ZNF638: variants seen among roughly 807,000 people sequenced by gnomAD.
The protein encoded by ZNF638 is zinc finger protein 638.
ZNF638 carries 46 observed loss-of-function variants against 195.6 expected under a neutral mutation model. The observed-to-expected ratio is 0.24, with a 90% confidence interval of 0.19 to 0.30. The LOEUF is 0.30. Ranked by LOEUF, ZNF638 falls within the 10% of genes least tolerant of loss-of-function variation. The pLI, the probability that ZNF638 is intolerant of heterozygous loss-of-function variation, is 1.00. For missense variants in ZNF638, 2,440 were observed against 2,325.3 expected (o/e 1.05, Z -1.01); for synonymous variants, 845 against 772.0 (o/e 1.09, Z -1.57).
rs189111308 is a variant in ZNF638, at chr2:71,376,913, G to A, written c.2266-3309G>A. Among the ~76,000 whole-genome samples the A allele has an allele frequency of 2.0e-5, 3 of 152,184 alleles. No homozygotes were observed. The East Asian group carries it at 5.8e-4, about 29-fold the overall frequency. On this transcript the variant is annotated intron_variant, in intron 8 of 27. Transcript: ENST00000264447. ...CTTGCCCCACCGTTACCAGTAATCC[G>A]ATGAAAGCAAACATTCTTTTTTTCC...
chr2:71,425,968 A>G (rs1392126276), intron 23 of ZNF638, among the ~76,000 whole-genome samples: 1 of 152,174 alleles, frequency 6.6e-6, no homozygotes, highest in Non-Finnish European at 1.5e-5. Flanking sequence ...ATTTCTTAAA[A>G]TATGTATTCT....
At chr2:71,418,443 A>G (rs757208169) in intron 20 of ZNF638, 159 bp from the exon 21 acceptor site, 8 of 419,708 alleles carry the variant, frequency 1.9e-5, no homozygotes, top group Non-Finnish European at 2.5e-5. Flanking sequence ...AAAAAATTCT[A>G]GAACCTGATA....
Position 71,363,026 on chromosome 2 carries a change from A to G in ZNF638, c.1380-127A>G, listed in dbSNP as rs1023289916. The G allele has an allele frequency of 6.7e-6, 5 of 746,648 alleles. No homozygotes were observed. In the African/African-American group the frequency reaches 9.0e-5, roughly 13 times the overall value. The allele number at this position is 746,648 out of a possible 1,614,324, so 46.3% of individuals were successfully genotyped here. On this transcript the variant is annotated intron_variant, in intron 3 of 27. Transcript: ENST00000264447. ...AATACTTTGATTATTTATTGAATTA[A>G]ACTCTCAAAATATTTTATTTCCAAT...
At chr2:71,389,141 G>C (rs1039563793) in intron 10 of ZNF638, among the ~76,000 whole-genome samples, 2 of 152,096 alleles carry the variant, frequency 1.3e-5, no homozygotes, top group Non-Finnish European at 2.9e-5. Context: ...CCTCAGCCCT[G>C]CCATTACTGG....
chr2:71,365,248 C>T (rs2079176188), intron 5 of ZNF638, among the ~76,000 whole-genome samples, 181 bp from the exon 6 acceptor site: 1 of 152,052 alleles, frequency 6.6e-6, no homozygotes, highest in South Asian at 2.1e-4. Flanking sequence ...GTTTGAGGAT[C>T]ACTGGTATAA....
At chr2:71,351,608 A>T (rs1447470686) in intron 2 of ZNF638, among the ~76,000 whole-genome samples, 2 of 152,224 alleles carry the variant, frequency 1.3e-5, no homozygotes, top group Admixed American at 1.3e-4. Flanking sequence ...AAGAAAATAC[A>T]TCTTTAAATA....
At chr2:71,350,405 C>T in intron 2 of ZNF638, 134 bp downstream of exon 2, 2 of 903,862 alleles carry the variant, frequency 2.2e-6, no homozygotes, top group Non-Finnish European at 3.4e-6. Flanking sequence ...AACCTCAATA[C>T]ATAGTTGTAA....
At chr2:71,378,885 C>A (rs2079484500) in intron 8 of ZNF638, among the ~76,000 whole-genome samples, 1 of 152,070 alleles carries the variant, frequency 6.6e-6, no homozygotes, top group East Asian at 1.9e-4. Flanking sequence ...AGAAAGGATG[C>A]TTGGGGATGG....
rs867183650 is a variant in ZNF638, at chr2:71,349,007, G to A, written c.53G>A (p.Arg18Gln). Residue 18 changes from arginine (R) to glutamine (Q), a missense_variant, in exon 2 of 28, where the codon CGA (arginine) becomes CAA (glutamine). By Grantham distance (43) the Arg-to-Gln change is conservative. Coordinates refer to ENST00000264447, the MANE Select transcript of ZNF638 (RefSeq NM_014497.5). ...GGAGACTTTCCACTTCAAAGGCCACGAGCACCTAACCCTTCTGGGATGAGG... is the reference window on the plus strand; with the variant it reads ...GGAGACTTTCCACTTCAAAGGCCACAAGCACCTAACCCTTCTGGGATGAGG... ...PRGDFPLQRP[R>Q]APNPSGMRPP... is the part of the protein sequence containing the mutation. 6.2e-7 allele frequency: 1 copy of A among 1,614,046 alleles called. No individual in the cohort carries two copies. Among genetic ancestry groups the A allele is most frequent in the Non-Finnish European group, 8.5e-7 (1 of 1,180,004 alleles).
chr2:71,418,560 T>C (rs2080353784), intron 20 of ZNF638, 42 bp from the exon 21 acceptor site: 3 of 1,352,652 alleles, frequency 2.2e-6, no homozygotes, highest in Non-Finnish European at 3.0e-6. Flanking sequence ...ATATTTCAAA[T>C]CCAGTGGAAT....
chr2:71,411,274 A>G (rs1399322610), intron 20 of ZNF638, among the ~76,000 whole-genome samples: 1 of 151,086 alleles, frequency 6.6e-6, no homozygotes, highest in Non-Finnish European at 1.5e-5. Context: ...CTGGGATTAC[A>G]GGGATTAGCC....
At chr2:71,352,489 AAAAAAT>A (rs2078958298) in intron 2 of ZNF638, among the ~76,000 whole-genome samples, 2 of 43,886 alleles carry the variant, frequency 4.6e-5, no homozygotes, top group Admixed American at 6.7e-4. Flanking sequence ...AAAAAAATAA[AAAAAAT>A]AAAAAAAAAA....
In ZNF638 at chr2:71,430,036, C is replaced by T. The variant is rs143919546; in HGVS notation, c.5651-1291C>T. On this transcript the variant is annotated intron_variant, in intron 25 of 27. Coordinates refer to ENST00000264447, the MANE Select transcript of ZNF638 (RefSeq NM_014497.5). ...ACCTTGGCAATCAGCTTGCTTAGAA[C>T]TGCCTCATTGCAACTGAGTAATATA... Among the ~76,000 whole-genome samples the T allele has an allele frequency of 5.6e-3, 856 of 152,318 alleles. 6 individuals carry two copies. The highest frequency in any genetic ancestry group is 0.02 in the African/African-American group (813 of 41,564).
Position 71,380,549 on chromosome 2 carries a change from T to C in ZNF638, c.2361T>C (p.Val787=). The C allele has an allele frequency of 6.2e-7, 1 of 1,603,922 alleles. No individual in the cohort carries two copies. Among genetic ancestry groups the C allele is most frequent in the Non-Finnish European group, 8.5e-7 (1 of 1,176,050 alleles). Residue 787 remains valine (V), a synonymous_variant, in exon 10 of 28, where the codon GTT becomes GTC. Transcript: ENST00000264447. ...ATGCTTCAAAAGCTGTTGAAATTGT[T>C]ACTTCAACTTCTGCTGGTAAGTTGT... The part of the protein sequence containing the change: ...DADASKAVEI[V]TSTSAAKTGQ...
chr2:71,336,372 C>CAAA (rs66593443), intron 1 of ZNF638, among the ~76,000 whole-genome samples: 8 of 105,558 alleles, frequency 7.6e-5, no homozygotes, highest in Non-Finnish European at 1.1e-4. Flanking sequence ...ATTCCATCTC[C>CAAA]AAAAAAAAAA....
intron 21 of ZNF638, among the ~76,000 whole-genome samples, chr2:71,419,103 T>C (rs370930756): frequency 4.6e-5 from 7 of 152,318 alleles, no homozygotes; most frequent in African/African-American, 1.7e-4. Context: ...AAAAAAATTA[T>C]GTATATAGTT....
chr2:71,388,143 C>T (rs1008198400), intron 10 of ZNF638, among the ~76,000 whole-genome samples: 50 of 152,030 alleles, frequency 3.3e-4, no homozygotes, highest in Non-Finnish European at 5.7e-4. Flanking sequence ...TAAGGAGAGA[C>T]GCAAACCTTC....
chr2:71,390,629 G>T (rs1164808700), intron 10 of ZNF638, among the ~76,000 whole-genome samples: 1 of 152,214 alleles, frequency 6.6e-6, no homozygotes, highest in Non-Finnish European at 1.5e-5. Context: ...AAGCACGGGA[G>T]CCGTAGGAGT....
At chr2:71,393,792 C>T (rs1430807699) in intron 10 of ZNF638, 5 of 616,156 alleles carry the variant, frequency 8.1e-6, no homozygotes, top group African/African-American at 3.7e-5. Flanking sequence ...CCTCTAATAA[C>T]GTTAACTGCT....
Sources: gnomAD v4.1 joint callset for allele counts (sites outside exome capture counted in the v4.1 genomes callset) on GRCh38, gnomAD v4.1.1 for gene constraint, MANE v1.5 for transcripts, NCBI Gene and HGNC (gene_info 2026-07-23, HGNC 2026-07-21) for gene names.